PRKAR1B: variants seen among roughly 807,000 people sequenced by gnomAD.
The protein encoded by PRKAR1B is protein kinase cAMP-dependent type I regulatory subunit beta, also known as cAMP-dependent protein kinase type I-beta regulatory subunit.
In PRKAR1B, 22 loss-of-function variants were observed where a neutral mutation model predicts 46.5. The ratio of observed to expected loss-of-function variants is 0.47; its 90% CI spans 0.34 to 0.68. PRKAR1B has a LOEUF of 0.68. Among genes scored for constraint, PRKAR1B ranks in the 30% least tolerant of loss-of-function variants. The pLI, the probability that PRKAR1B is intolerant of heterozygous loss-of-function variation, is 0.01. For missense variants in PRKAR1B, 445 were observed against 535.6 expected (o/e 0.83, Z 1.67); for synonymous variants, 259 against 217.7 (o/e 1.19, Z -1.67).
chr7:685,270 G>GTA (rs1554303084), intron 2 of PRKAR1B, among the ~76,000 whole-genome samples: 9 of 24,840 alleles, frequency 3.6e-4, no homozygotes, highest in African/African-American at 1.1e-3. Flanking sequence ...ACATATATAC[G>GTA]TATATATACG....
intron 2 of PRKAR1B, among the ~76,000 whole-genome samples, chr7:684,577 G>A (rs568499072): frequency 5.8e-4 from 88 of 152,240 alleles, no homozygotes; most frequent in African/African-American, 1.9e-3. Context: ...CCGGATCCAC[G>A]GAGGGAACGG....
intron 7 of PRKAR1B, among the ~76,000 whole-genome samples, chr7:595,154 G>A (rs981617179): frequency 1.9e-4 from 29 of 152,112 alleles, no homozygotes; most frequent in African/African-American, 5.8e-4. Flanking sequence ...ACTGCCCCAC[G>A]CGGGAAGGCC....
chr7:718,343 T>C lies in PRKAR1B; in HGVS notation c.-22-6816A>G, dbSNP rs1780957249. 4.0e-5 allele frequency among the ~76,000 whole-genome samples: 6 copies of C among 149,414 alleles called. No individual in the cohort carries two copies. In the Admixed American group the frequency reaches 4.0e-4, roughly 10 times the overall value. On this transcript the variant is annotated intron_variant, in intron 1 of 10. Coordinates refer to ENST00000537384, the MANE Select transcript of PRKAR1B (RefSeq NM_001164760.2). ...ATATGTATGTATGTATATATATATA[T>C]ATATCTCCTCCTGCTTCAGCCTTTT...
chr7:552,628 CAG>C (rs747388156), intron 9 of PRKAR1B, among the ~76,000 whole-genome samples: 11 of 149,384 alleles, frequency 7.4e-5, no homozygotes, highest in Non-Finnish European at 1.5e-4. Context: ...CGGCCTGGCC[CAG>C]CTCCCATTTT....
At chr7:664,962 G>T (rs1220981391) in intron 4 of PRKAR1B, among the ~76,000 whole-genome samples, 1 of 152,072 alleles carries the variant, frequency 6.6e-6, no homozygotes, top group African/African-American at 2.4e-5. Flanking sequence ...CAGGACCACA[G>T]GCAAGATCCA....
At chr7:649,133 C>G (rs1229386344) in intron 4 of PRKAR1B, among the ~76,000 whole-genome samples, 2 of 152,168 alleles carry the variant, frequency 1.3e-5, no homozygotes, top group Admixed American at 6.5e-5. Context: ...CACTGCACTC[C>G]AGCCTGGGTG....
chr7:722,482 C>T (rs1781110061), intron 1 of PRKAR1B, among the ~76,000 whole-genome samples: 1 of 151,712 alleles, frequency 6.6e-6, no homozygotes, highest in South Asian at 2.1e-4. Flanking sequence ...GGTGATCTGC[C>T]TGCCTTGGCC....
intron 7 of PRKAR1B, among the ~76,000 whole-genome samples, chr7:595,068 C>T (rs998022633): frequency 2.2e-4 from 34 of 152,348 alleles, no homozygotes; most frequent in African/African-American, 7.0e-4. Context: ...CTCCTGAGCA[C>T]TCTGACAGGG....
intron 1 of PRKAR1B, among the ~76,000 whole-genome samples, chr7:725,010 C>T (rs1005213782): frequency 6.6e-6 from 1 of 152,122 alleles, no homozygotes; most frequent in Non-Finnish European, 1.5e-5. Flanking sequence ...GTCAGGACAT[C>T]GAGACCATCC....
intron 9 of PRKAR1B, among the ~76,000 whole-genome samples, chr7:555,286 G>T (rs1385145066): frequency 1.3e-5 from 2 of 152,158 alleles, no homozygotes; most frequent in Non-Finnish European, 2.9e-5. Context: ...GCCCCCACGG[G>T]GCTGCTGTGC....
rs189472048 is a variant in PRKAR1B, at chr7:576,161, G to A, written c.891+3095C>T. Among the ~76,000 whole-genome samples, 189 of 148,018 alleles carry A rather than the reference G, an allele frequency of 1.3e-3. 1 individual carries two copies. The highest frequency in any genetic ancestry group is 9.3e-3 in the Admixed American group (139 of 14,898). ...CGCTGGCATCCTCTCCTCTGCAGAC[G>A]GGCGGGCGTGCACGCTGGCATCCTC... On this transcript the variant is annotated intron_variant, in intron 9 of 10. Coordinates refer to ENST00000537384, the MANE Select transcript of PRKAR1B (RefSeq NM_001164760.2).
At position 593,561 on chromosome 7, in the gene PRKAR1B, G is replaced by A. The variant is rs1392381384; in HGVS notation, c.708+2585C>T. On this transcript the variant is annotated intron_variant, in intron 7 of 10. Transcript: ENST00000537384. The surrounding 1 kb of genome is among the most constrained non-coding windows in gnomAD (Gnocchi z 6.1). ...GCGACAGGGCGTCAAGGATGGTGGG[G>A]AAACGGCTTATGCAACGCCGGGCCA... Among the ~76,000 whole-genome samples, 2 of 152,170 alleles carry A rather than the reference G, an allele frequency of 1.3e-5. No individual in the cohort carries two copies. Among genetic ancestry groups the A allele is most frequent in the South Asian group, 2.1e-4 (1 of 4,834 alleles).
chr7:564,542 G>A (rs1240621739), intron 9 of PRKAR1B, among the ~76,000 whole-genome samples: 1 of 152,072 alleles, frequency 6.6e-6, no homozygotes, highest in African/African-American at 2.4e-5. Context: ...TCAGGTCCCC[G>A]CCCCACCGCA....
intron 4 of PRKAR1B, among the ~76,000 whole-genome samples, chr7:647,922 C>T (rs563678990): frequency 5.7e-4 from 85 of 149,766 alleles, no homozygotes; most frequent in African/African-American, 2.0e-3. Context: ...TGCTTTGAGA[C>T]GCTGCTTGAG....
intron 9 of PRKAR1B, among the ~76,000 whole-genome samples, chr7:558,969 G>A (rs1332863873): frequency 1.3e-5 from 2 of 152,204 alleles, no homozygotes; most frequent in Non-Finnish European, 2.9e-5. Flanking sequence ...AGAACCTGGT[G>A]CCACAGGCGT....
chr7:680,279 C>T (rs1283593459), intron 3 of PRKAR1B, among the ~76,000 whole-genome samples: 1 of 152,168 alleles, frequency 6.6e-6, no homozygotes, highest in African/African-American at 2.4e-5. Context: ...CCCTTCCCTT[C>T]CTGAGCCTGT....
chr7:635,533 G>A (rs766577697), intron 4 of PRKAR1B, among the ~76,000 whole-genome samples: 13 of 152,142 alleles, frequency 8.5e-5, no homozygotes, highest in Non-Finnish European at 1.3e-4. Context: ...GGGACCCGAG[G>A]GCCCCTTGGC....
intron 9 of PRKAR1B, among the ~76,000 whole-genome samples, chr7:555,514 C>G (rs530762584): frequency 6.6e-6 from 1 of 152,276 alleles, no homozygotes; most frequent in Admixed American, 6.5e-5. Flanking sequence ...TGCACAGGTA[C>G]CTTCAGGCTG....
chr7:552,495 T>G (rs1784306677), intron 9 of PRKAR1B, among the ~76,000 whole-genome samples: 1 of 106,326 alleles, frequency 9.4e-6, no homozygotes, highest in Non-Finnish European at 1.9e-5. Context: ...AACCCCCACC[T>G]CCCACCCAGG....
Sources: gnomAD v4.1 joint callset for allele counts (sites outside exome capture counted in the v4.1 genomes callset) on GRCh38, gnomAD v4.1.1 for gene constraint, Gnocchi (gnomAD v3.1) non-coding constraint, MANE v1.5 for transcripts, NCBI Gene and HGNC (gene_info 2026-07-23, HGNC 2026-07-21) for gene names.